CAPN14: variants seen among roughly 807,000 people sequenced by gnomAD.
CAPN14 encodes calpain-14.
Under a neutral mutation model 101.3 loss-of-function variants are expected in CAPN14, and 94 were observed. The ratio of observed to expected loss-of-function variants is 0.93; its 90% confidence interval spans 0.79 to 1.10. CAPN14 has a LOEUF of 1.10. CAPN14 is among the 50% of genes least tolerant of loss of function. CAPN14 has a pLI of 0.00. For synonymous variants in CAPN14, 338 were observed against 317.9 expected (o/e 1.06, Z -0.67); for missense variants, 837 against 828.4 (o/e 1.01, Z -0.13).
Position 31,189,450 on chromosome 2 carries a change from G to A in CAPN14, c.1316C>T (p.Pro439Leu), listed in dbSNP as rs905690667. The A allele has an allele frequency of 6.4e-7, 1 of 1,551,602 alleles. No individual in the cohort carries two copies. The highest frequency in any genetic ancestry group is 8.7e-7 in the Non-Finnish European group (1 of 1,146,962). The change falls in exon 13 of 22, where the codon CCT (proline) becomes CTT (leucine). Residue 439 changes from proline to leucine, a missense_variant. Transcript: ENST00000403897. ...AGGAGTGTTTCTCTGGAAGAACTCAGGGGGCAGTCTCCTCTGGTCATCATG... is the reference window on the plus strand; with the variant it reads ...AGGAGTGTTTCTCTGGAAGAACTCAAGGGGCAGTCTCCTCTGGTCATCATG... ...KYHDDQRRLP[P>L]EFFQRNTPLS... is the part of the protein sequence containing the mutation.
chr2:31,179,691 T>C (rs899828864), intron 17 of CAPN14, among the ~76,000 whole-genome samples: 2 of 152,218 alleles, frequency 1.3e-5, no homozygotes, highest in Non-Finnish European at 2.9e-5. Context: ...CAGTGTAAAA[T>C]TGTTCCTATT....
chr2:31,224,214 TC>T (rs553263477), intron 2 of CAPN14, among the ~76,000 whole-genome samples: 3 of 152,124 alleles, frequency 2.0e-5, no homozygotes, highest in Non-Finnish European at 2.9e-5. Flanking sequence ...GGTCTCAGCT[TC>T]CATTGATGGC....
rs147086068 is a variant in CAPN14 at position 31,201,547 on chromosome 2, G to A, written c.551+315C>T. 3.9e-3 allele frequency among the ~76,000 whole-genome samples: 601 copies of A among 152,266 alleles called. 2 individuals are homozygous for A. The highest frequency in any genetic ancestry group is 6.8e-3 in the Non-Finnish European group (465 of 68,012). On this transcript the variant is annotated intron_variant, in intron 5 of 21. Coordinates refer to ENST00000403897, the MANE Select transcript of CAPN14 (RefSeq NM_001145122.2). ...AGATTAGATGGGCCAAATGAGAAGT[G>A]AAGCCTTTGCTTAGGTTTTCTTTGG...
At position 31,206,021 on chromosome 2, in the gene CAPN14, A is replaced by ATTTTTTTTTTT. The variant is rs200116287; in HGVS notation, c.-52-523_-52-522insAAAAAAAAAAA. Among the ~76,000 whole-genome samples the ATTTTTTTTTTT allele has an allele frequency of 1.8e-5, 2 of 108,752 alleles. 1 individual carries two copies. The highest frequency in any genetic ancestry group is 4.0e-5 in the Non-Finnish European group (2 of 49,836). The allele number at this position is 108,752 out of a possible 152,430, so 71.3% of individuals were successfully genotyped here. On this transcript the variant is annotated intron_variant, in intron 1 of 21. Coordinates refer to ENST00000403897, the MANE Select transcript of CAPN14 (RefSeq NM_001145122.2). ...CAAAACCTCCTCCTACATTATCTTTATTTTTTTTATTTATTTATTTTTTTT... is the reference window on the plus strand; with the variant it reads ...CAAAACCTCCTCCTACATTATCTTTATTTTTTTTTTTTTTTTTTTATTTATTTATTTTTTTT...
At chr2:31,211,996 T>C (rs779591232) in intron 1 of CAPN14, among the ~76,000 whole-genome samples, 1 of 152,122 alleles carries the variant, frequency 6.6e-6, no homozygotes, top group Non-Finnish European at 1.5e-5. Context: ...TATTTTTTCA[T>C]CAAAACTCAA....
intron 5 of CAPN14, among the ~76,000 whole-genome samples, chr2:31,201,441 C>G (rs558994981): frequency 2.0e-5 from 3 of 152,316 alleles, no homozygotes; most frequent in South Asian, 2.1e-4. Context: ...TCATCCAGAC[C>G]TCTTAGCTGC....
intron 18 of CAPN14, 134 bp downstream of exon 18, chr2:31,178,377 C>A: frequency 1.4e-6 from 1 of 695,036 alleles, no homozygotes. Context: ...GAAATGCTCA[C>A]CGAAGGGAGA....
chr2:31,231,695 T>C (rs1683197266), intron 1 of CAPN14, among the ~76,000 whole-genome samples: 1 of 152,162 alleles, frequency 6.6e-6, no homozygotes, highest in Non-Finnish European at 1.5e-5. Flanking sequence ...GATTACAAAA[T>C]TCTTGAAATA....
chr2:31,174,781 C>G (rs1328911376), intron 21 of CAPN14, 74 bp from the exon 22 acceptor site: 21 of 1,401,140 alleles, frequency 1.5e-5, no homozygotes, highest in Non-Finnish European at 3.0e-6. Context: ...TCCCACACTC[C>G]TGGGGAGCCA....
At chr2:31,185,228 T>C (rs955758954) in intron 16 of CAPN14, among the ~76,000 whole-genome samples, 9 of 152,236 alleles carry the variant, frequency 5.9e-5, no homozygotes, top group African/African-American at 2.2e-4. Context: ...AACTCTCATC[T>C]AAACATCTAA....
intron 19 of CAPN14, 53 bp downstream of exon 19, chr2:31,177,693 G>A: frequency 1.5e-6 from 2 of 1,302,330 alleles, no homozygotes; most frequent in Non-Finnish European, 2.2e-6. Flanking sequence ...TCTGCCTGAT[G>A]AGTGTGCACC....
At chr2:31,192,995 AAC>A (rs1220972799) in intron 10 of CAPN14, 134 bp downstream of exon 10, 3 of 876,292 alleles carry the variant, frequency 3.4e-6, no homozygotes, top group African/African-American at 1.7e-5. Flanking sequence ...CCAGGGCCCC[AAC>A]ACACAGTGAG....
intron 19 of CAPN14, 102 bp downstream of exon 19, chr2:31,177,644 G>A (rs1443707): frequency 0.27 from 216,596 of 815,504 alleles, 33,057 homozygotes; most frequent in African/African-American, 0.56. Flanking sequence ...GTAACACTGC[G>A]TATTAGAGTT....
chr2:31,230,198 A>G lies in CAPN14; in HGVS notation c.-176-3547T>C, dbSNP rs993666845. On this transcript the variant is annotated intron_variant and NMD_transcript_variant, in intron 1 of 21. Transcript: ENST00000398824. This position sits in a 1 kb window ranked among gnomAD's most constrained non-coding sequence, Gnocchi z 4.3. ...TCCTTCCTCCCACCCTCCACCCTCA[A>G]CTAGACCCCAGTGTGGTATATATTT... is the stretch of plus-strand genomic sequence containing the variant. 6.6e-6 allele frequency among the ~76,000 whole-genome samples: 1 copy of G among 152,112 alleles called. No individual in the cohort carries two copies. The highest frequency in any genetic ancestry group is 1.5e-5 in the Non-Finnish European group (1 of 68,022).
rs1398006675 is a variant in CAPN14 at position 31,173,808 on chromosome 2, T to A, written c.*873A>T. 1.3e-5 allele frequency: 2 copies of A among 152,170 alleles called. No homozygotes were observed. The highest frequency in any genetic ancestry group is 2.9e-5 in the Non-Finnish European group (2 of 68,032). The allele number at this position is 152,170 out of a possible 1,614,324, so 9.4% of individuals were successfully genotyped here. ...CACCTGTATTCTTGGTTGAGAGGGATGACATAAACAAGGTGTTTCATGGTA... is the reference window on the plus strand; with the variant it reads ...CACCTGTATTCTTGGTTGAGAGGGAAGACATAAACAAGGTGTTTCATGGTA... On this transcript the variant is annotated 3_prime_UTR_variant, in exon 22 of 22. Transcript: ENST00000403897.
chr2:31,212,788 A>G (rs1682465818), intron 1 of CAPN14, among the ~76,000 whole-genome samples: 1 of 152,236 alleles, frequency 6.6e-6, no homozygotes, highest in South Asian at 2.1e-4. Flanking sequence ...TGATCAACCT[A>G]CAGGGTAGAG....
At chr2:31,192,296 G>T (rs1681234735) in intron 10 of CAPN14, among the ~76,000 whole-genome samples, 198 bp from the exon 11 acceptor site, 1 of 152,134 alleles carries the variant, frequency 6.6e-6, no homozygotes, top group African/African-American at 2.4e-5. Context: ...GTCTTCTCCA[G>T]ACACACTGAC....
At chr2:31,195,197 C>T (rs1455163708) in intron 8 of CAPN14, among the ~76,000 whole-genome samples, 1 of 152,224 alleles carries the variant, frequency 6.6e-6, no homozygotes, top group Admixed American at 6.5e-5. Flanking sequence ...CAGGAAACTT[C>T]ACAGGGGTTC....
intron 3 of CAPN14, among the ~76,000 whole-genome samples, chr2:31,202,497 T>C (rs1681845428): frequency 6.6e-6 from 1 of 152,148 alleles, no homozygotes; most frequent in South Asian, 2.1e-4. Flanking sequence ...CCAGGAATTT[T>C]AGATTCCTGA....
Sources: allele counts gnomAD v4.1 joint callset (sites outside exome capture counted in the v4.1 genomes callset), GRCh38; gene constraint gnomAD v4.1.1; non-coding constraint Gnocchi (gnomAD v3.1); transcripts MANE v1.5; gene names NCBI Gene and HGNC (gene_info 2026-07-23, HGNC 2026-07-21).